ZNF215: variants seen among roughly 807,000 people sequenced by gnomAD.
ZNF215 encodes BWSCR2-associated zinc finger protein 2.
ZNF215 carries 24 observed loss-of-function variants against 27.2 expected under a neutral mutation model. The observed-to-expected ratio is 0.88, with a 90% CI of 0.64 to 1.24. The LOEUF (loss-of-function observed/expected upper bound fraction) is 1.24. ZNF215 is among the 50% of genes most tolerant of loss of function. The pLI is 0.00. For missense variants in ZNF215, 675 were observed against 605.7 expected, an observed-to-expected ratio of 1.11 and a Z score of -1.20; for synonymous variants, 210 against 204.0, an observed-to-expected ratio of 1.03 and a Z score of -0.25.
intron 5 of ZNF215, among the ~76,000 whole-genome samples, chr11:6,964,216 G>T (rs1052604768): frequency 6.6e-6 from 1 of 151,820 alleles, no homozygotes; most frequent in Non-Finnish European, 1.5e-5. Context: ...TATGTATTTT[G>T]TGTAAATATT....
At chr11:6,946,444 A>G (rs1272534372) in intron 6 of ZNF215, among the ~76,000 whole-genome samples, 4 of 152,146 alleles carry the variant, frequency 2.6e-5, no homozygotes, top group Non-Finnish European at 5.9e-5. Context: ...TATATTAAGC[A>G]TCTATATACT....
At chr11:6,937,486 CTTTTTTTTTTTT>C (rs57676890) in intron 3 of ZNF215, among the ~76,000 whole-genome samples, 2 of 118,932 alleles carry the variant, frequency 1.7e-5, no homozygotes, top group African/African-American at 6.7e-5. Context: ...ATCTCAGCTG[CTTTTTTTTTTTT>C]TTTTTTTTTT....
At chr11:6,953,843 G>C (rs972016146) in intron 6 of ZNF215, among the ~76,000 whole-genome samples, 2 of 151,812 alleles carry the variant, frequency 1.3e-5, no homozygotes, top group African/African-American at 4.8e-5. Flanking sequence ...TTTCTGCTCT[G>C]TTTTTTCCCC....
downstream of ZNF215, chr11:6,989,078 G>T (rs894926527): frequency 1.4e-5 from 2 of 146,396 alleles, no homozygotes; most frequent in African/African-American, 5.2e-5. Context: ...ATTGCTTGAA[G>T]CTGGGAGGCA....
At chr11:6,967,879 A>G (rs1474860580) in intron 5 of ZNF215, among the ~76,000 whole-genome samples, 1 of 152,138 alleles carries the variant, frequency 6.6e-6, no homozygotes, top group East Asian at 1.9e-4. Context: ...TATGTCCTGA[A>G]TGGATTGCCT....
chr11:6,928,262 G>T (rs1849129690), intron 2 of ZNF215, among the ~76,000 whole-genome samples: 1 of 151,992 alleles, frequency 6.6e-6, no homozygotes, highest in Non-Finnish European at 1.5e-5. Context: ...TATCTATTAG[G>T]CTAAGCATAT....
intron 6 of ZNF215, among the ~76,000 whole-genome samples, chr11:6,948,038 A>G (rs1412109591): frequency 2.0e-5 from 3 of 152,216 alleles, no homozygotes; most frequent in Non-Finnish European, 4.4e-5. Flanking sequence ...TAGAAGTGGT[A>G]TAGTGTCACT....
chr11:6,974,020 G>C (rs995555502), intron 5 of ZNF215, among the ~76,000 whole-genome samples: 2 of 151,870 alleles, frequency 1.3e-5, no homozygotes, highest in African/African-American at 4.9e-5. Context: ...GGGTTTTTAT[G>C]GTTTTAGGTC....
intron 5 of ZNF215, among the ~76,000 whole-genome samples, chr11:6,968,635 G>A (rs1405630495): frequency 6.6e-6 from 1 of 151,950 alleles, no homozygotes; most frequent in Non-Finnish European, 1.5e-5. Flanking sequence ...GGAAGCCAAG[G>A]TGGGTGGATC....
At chr11:6,959,045 A>C (rs1361945922), downstream of ZNF215, among the ~76,000 whole-genome samples, 2 of 152,148 alleles carry the variant, frequency 1.3e-5, no homozygotes, top group African/African-American at 4.8e-5. Context: ...CTCGGGAACA[A>C]TACTTTGCAT....
chr11:6,985,981 C>T (rs187945411), downstream of ZNF215, among the ~76,000 whole-genome samples: 68 of 152,212 alleles, frequency 4.5e-4, no homozygotes, highest in African/African-American at 1.5e-3. Context: ...CAACACTATT[C>T]CTATTAAACT....
At chr11:6,961,103 G>C (rs1400674552), downstream of ZNF215, among the ~76,000 whole-genome samples, 1 of 152,080 alleles carries the variant, frequency 6.6e-6, no homozygotes, top group Non-Finnish European at 1.5e-5. Context: ...TTGCATCTGA[G>C]ACAATAAATC....
At chr11:6,953,363 C>G (rs1434140993) in intron 6 of ZNF215, among the ~76,000 whole-genome samples, 2 of 152,232 alleles carry the variant, frequency 1.3e-5, no homozygotes, top group East Asian at 3.8e-4. Flanking sequence ...CCGTCACTTT[C>G]AGATACACCA....
chr11:6,956,475 A>T lies in ZNF215; in HGVS notation c.1498A>T (p.Asn500Tyr). ...FKCKECSKAF[N>Y]RSSNLVKHQK... ...ATGTAAGGAATGTAGTAAAGCCTTC[A>T]ACAGGAGTTCAAACCTTGTTAAACA... is the stretch of plus-strand genomic sequence containing the variant. The change falls in exon 7 of 7, where the codon AAC becomes TAC. Residue 500 changes from asparagine to tyrosine, a missense_variant. Coordinates refer to ENST00000278319, the MANE Select transcript of ZNF215 (RefSeq NM_013250.4). 6.2e-7 allele frequency: 1 copy of T among 1,613,116 alleles called. No individual in the cohort carries two copies. Among genetic ancestry groups the T allele is most frequent in the Non-Finnish European group, 8.5e-7 (1 of 1,179,750 alleles).
At chr11:6,944,248 C>T (rs1373603960) in intron 6 of ZNF215, among the ~76,000 whole-genome samples, 1 of 152,140 alleles carries the variant, frequency 6.6e-6, no homozygotes, top group African/African-American at 2.4e-5. Flanking sequence ...TGCACTCCAG[C>T]CTGGGCAACA....
chr11:6,949,956 GC>G (rs1849986681), intron 6 of ZNF215, among the ~76,000 whole-genome samples: 2 of 152,066 alleles, frequency 1.3e-5, no homozygotes, highest in African/African-American at 4.8e-5. Context: ...CATATGGCTA[GC>G]CAGATTTCCC....
chr11:6,961,288 G>A (rs1850512909), downstream of ZNF215, among the ~76,000 whole-genome samples: 1 of 152,034 alleles, frequency 6.6e-6, no homozygotes, highest in South Asian at 2.1e-4. Flanking sequence ...TCAGATCTAA[G>A]TCTCATTATG....
chr11:6,939,778 T>G (rs561698337), intron 3 of ZNF215, among the ~76,000 whole-genome samples: 3 of 152,170 alleles, frequency 2.0e-5, no homozygotes, highest in East Asian at 3.9e-4. Flanking sequence ...GAGAGAGCAA[T>G]AAATAGGATA....
chr11:6,976,851 T>G (rs923450011), intron 5 of ZNF215, among the ~76,000 whole-genome samples: 2 of 152,122 alleles, frequency 1.3e-5, no homozygotes, highest in Admixed American at 1.3e-4. Flanking sequence ...ACCACAAACT[T>G]AATGGCTTAA....
Sources: gnomAD v4.1 joint callset for allele counts (sites outside exome capture counted in the v4.1 genomes callset) on GRCh38, gnomAD v4.1.1 for gene constraint, MANE v1.5 for transcripts, NCBI Gene and HGNC (gene_info 2026-07-23, HGNC 2026-07-21) for gene names.